Variants in SAMSN1 observed in about 807,000 individuals in gnomAD.
The protein encoded by SAMSN1 is SAM domain, SH3 domain and nuclear localization signals 1, also known as SAM domain-containing protein SAMSN-1.
Under a neutral mutation model 42.0 loss-of-function variants are expected in SAMSN1, and 31 were observed. The observed-to-expected ratio is 0.74, with a 90% CI of 0.55 to 1.00. The LOEUF (loss-of-function observed/expected upper bound fraction) is 1.00, where lower values mean the gene tolerates loss of function less well. SAMSN1 is among the 50% of genes least tolerant of loss of function. SAMSN1 has a pLI of 0.00. For synonymous variants in SAMSN1, 178 were observed against 151.9 expected (o/e 1.17, Z -1.26); for missense variants, 464 against 439.4 (o/e 1.06, Z -0.50).
chr21:14,521,278 A>G (rs1048745043), intron 1 of SAMSN1, 57 bp from the exon 2 acceptor site: 1 of 1,128,228 alleles, frequency 8.9e-7, no homozygotes, highest in Non-Finnish European at 1.3e-6. Context: ...CACTGTCCAA[A>G]CTGATAAGTA....
intron 2 of SAMSN1, among the ~76,000 whole-genome samples, chr21:14,569,140 A>G (rs1455598928): frequency 1.4e-5 from 2 of 145,480 alleles, no homozygotes; most frequent in Non-Finnish European, 1.5e-5. Context: ...AAAAAAAAAA[A>G]TAAAAATAGC....
intron 2 of SAMSN1, among the ~76,000 whole-genome samples, chr21:14,579,664 TG>T (rs57681367): frequency 0.23 from 24,822 of 109,756 alleles, 4,736 homozygotes; most frequent in South Asian, 0.33. Context: ...TTTTTTTTTT[TG>T]GAGGCAGGGT....
intron 5 of SAMSN1, among the ~76,000 whole-genome samples, chr21:14,508,759 G>C (rs1380178750): frequency 1.3e-5 from 2 of 152,216 alleles, no homozygotes; most frequent in African/African-American, 4.8e-5. Context: ...TTGCACACAC[G>C]TTTGTGGCAG....
chr21:14,627,684 C>T (rs949362267), intron 2 of SAMSN1, among the ~76,000 whole-genome samples: 3 of 152,142 alleles, frequency 2.0e-5, no homozygotes, highest in Admixed American at 6.6e-5. Flanking sequence ...TTGTCATGCA[C>T]AGCATGAATG....
intron 2 of SAMSN1, among the ~76,000 whole-genome samples, chr21:14,625,663 T>G (rs181087094): frequency 1.3e-5 from 2 of 152,214 alleles, no homozygotes; most frequent in Non-Finnish European, 2.9e-5. Context: ...TCCATGCTCA[T>G]GGATAGGAAG....
chr21:14,600,415 C>T (rs1982398645), intron 6 of SAMSN1, among the ~76,000 whole-genome samples: 4 of 152,136 alleles, frequency 2.6e-5, no homozygotes, highest in African/African-American at 9.7e-5. Flanking sequence ...CCAGTGCCTA[C>T]TCCCAAACGA....
intron 6 of SAMSN1, chr21:14,598,287 G>A (rs1982328826): frequency 6.6e-6 from 1 of 152,132 alleles, no homozygotes; most frequent in African/African-American, 2.4e-5. Flanking sequence ...AATGAGGCAT[G>A]CAACACTTTT....
chr21:14,544,239 T>A (rs573047764), intron 1 of SAMSN1, among the ~76,000 whole-genome samples: 2 of 152,114 alleles, frequency 1.3e-5, no homozygotes, highest in Non-Finnish European at 2.9e-5. Flanking sequence ...TTTGTAGAGA[T>A]GGGGTTTTGC....
chr21:14,607,556 C>T (rs929925619), intron 5 of SAMSN1, among the ~76,000 whole-genome samples: 6 of 152,152 alleles, frequency 3.9e-5, no homozygotes, highest in Admixed American at 1.3e-4. Context: ...CACACGCACT[C>T]GCTGAACATG....
intron 7 of SAMSN1, among the ~76,000 whole-genome samples, chr21:14,496,618 G>A (rs1484834315): frequency 6.6e-6 from 1 of 152,182 alleles, no homozygotes; most frequent in African/African-American, 2.4e-5. Flanking sequence ...TCCTTTACCT[G>A]AACGAACTTA....
chr21:14,648,130 A>G (rs1983755456), intron 1 of SAMSN1, among the ~76,000 whole-genome samples: 1 of 151,696 alleles, frequency 6.6e-6, no homozygotes. Flanking sequence ...GGTTTGTCAT[A>G]GATAGCTCTT....
In SAMSN1 at chr21:14,494,550, C is replaced by G. The variant is rs1986830384; in HGVS notation, c.919+3892G>C. Reference sequence around the variant, plus strand: ...GGGAGGGGAACATCACACACCACTGCTTGTCAGGGGGTGGGGGGCTAGGGG... The same window carrying G: ...GGGAGGGGAACATCACACACCACTGGTTGTCAGGGGGTGGGGGGCTAGGGG... On this transcript the variant is annotated intron_variant, in intron 7 of 7. Transcript: ENST00000400566. Among the ~76,000 whole-genome samples the G allele has an allele frequency of 2.0e-5, 3 of 151,996 alleles. No individual in the cohort carries two copies. The South Asian group carries it at 6.2e-4, about 32-fold the overall frequency.
intron 1 of SAMSN1, among the ~76,000 whole-genome samples, chr21:14,657,715 C>T (rs560334764): frequency 9.9e-5 from 15 of 151,870 alleles, no homozygotes; most frequent in South Asian, 8.3e-4. Flanking sequence ...CAGATTTATA[C>T]GGCACAAAGC....
intron 2 of SAMSN1, among the ~76,000 whole-genome samples, chr21:14,551,756 T>C (rs1980602920): frequency 6.6e-6 from 1 of 152,130 alleles, no homozygotes; most frequent in African/African-American, 2.4e-5. Flanking sequence ...ATAAATATTT[T>C]CAATATAATC....
chr21:14,498,927 A>G (rs1987021348), intron 6 of SAMSN1, among the ~76,000 whole-genome samples: 1 of 152,248 alleles, frequency 6.6e-6, no homozygotes, highest in Non-Finnish European at 1.5e-5. Flanking sequence ...CAGAACTAGC[A>G]TTACTTTAAG....
At chr21:14,656,963 C>G (rs1983926700) in intron 1 of SAMSN1, among the ~76,000 whole-genome samples, 1 of 151,360 alleles carries the variant, frequency 6.6e-6, no homozygotes. Flanking sequence ...GGTTTTTATT[C>G]TCTTTTCTTA....
chr21:14,525,283 A>G (rs1163710246), intron 1 of SAMSN1, among the ~76,000 whole-genome samples: 1 of 152,216 alleles, frequency 6.6e-6, no homozygotes, highest in Non-Finnish European at 1.5e-5. Flanking sequence ...GAAGCAAGAA[A>G]GCAATCACAC....
Position 14,643,081 on chromosome 21 carries a change from TG to T in SAMSN1, c.76del (p.Gln26LysfsTer32). 1.4e-6 allele frequency: 1 copy of T among 717,378 alleles called. No homozygotes were observed. Among genetic ancestry groups the T allele is most frequent in the East Asian group, 2.7e-5 (1 of 37,264 alleles). 44.4% of individuals were successfully genotyped at this position (717,378 alleles called of 1,614,324 possible). ...ATCAGTTCTACTAGACATGTTTTCT[TG>T]GTTAGCTTGTTGCTCTGGGATTGGC... is the stretch of plus-strand genomic sequence containing the variant. On this transcript the variant is annotated frameshift_variant, in exon 2 of 16. Transcript: ENST00000647101. LOFTEE classifies it high-confidence loss of function.
Position 14,648,371 on chromosome 21 carries a change from T to C in SAMSN1, c.25-5238A>G, listed in dbSNP as rs998772011. Among the ~76,000 whole-genome samples, 10 of 152,284 alleles carry C rather than the reference T, an allele frequency of 6.6e-5. No individual in the cohort carries two copies. In the East Asian group the frequency reaches 9.6e-4, roughly 15 times the overall value. On this transcript the variant is annotated intron_variant, in intron 1 of 15. Coordinates refer to the SAMSN1 transcript ENST00000647101. ...AACATAGGCATGGGCAAGGACTTCA[T>C]GTCTAAAACACCAAAAGCAATGGCA...
Sources: allele counts gnomAD v4.1 joint callset (sites outside exome capture counted in the v4.1 genomes callset), GRCh38; gene constraint gnomAD v4.1.1; transcripts MANE v1.5; gene names NCBI Gene and HGNC (gene_info 2026-07-23, HGNC 2026-07-21).